DOCK11: variants seen among roughly 807,000 people sequenced by gnomAD.
DOCK11 encodes dedicator of cytokinesis protein 11.
DOCK11 carries 70 observed loss-of-function variants against 169.1 expected under a neutral mutation model. That is an observed-to-expected ratio of 0.41 (90% CI 0.34 to 0.51). The LOEUF (loss-of-function observed/expected upper bound fraction) is 0.51. Ranked by LOEUF, DOCK11 falls within the 20% of genes least tolerant of loss-of-function variation. DOCK11 has a pLI of 0.10. For synonymous variants in DOCK11, 529 were observed against 541.3 expected, an observed-to-expected ratio of 0.98 and a Z score of 0.32; for missense variants, 1,166 against 1,538.8, an observed-to-expected ratio of 0.76 and a Z score of 4.05.
At chrX:118,497,531 C>A (rs912042297) in intron 1 of DOCK11, among the ~76,000 whole-genome samples, 3 of 112,260 alleles carry the variant, frequency 2.7e-5, no homozygotes, top group African/African-American at 9.7e-5. Flanking sequence ...TTTAATGTTA[C>A]TTTAATGGAC....
rs2013367203 is a variant in DOCK11 at position 118,574,005 on chromosome X, G to A, written c.1376G>A (p.Arg459His). 2.5e-6 allele frequency: 3 copies of A among 1,210,087 alleles called. No homozygotes were observed. Among genetic ancestry groups the A allele is most frequent in the Non-Finnish European group, 3.4e-6 (3 of 894,022 alleles). The change falls in exon 12 of 53, where the codon CGC (arginine) becomes CAC (histidine). Residue 459 changes from arginine (R) to histidine (H), a missense_variant. Physicochemically the swap from Arg to His is conservative, Grantham distance 29. Coordinates refer to ENST00000276202, the MANE Select transcript of DOCK11 (RefSeq NM_144658.4). The part of the protein sequence containing the change: ...YIHGIAESQL[R>H]YIQQGIFSVT... ...CATGGAATTGCCGAATCTCAGTTAC[G>A]CTACATACAACAGGTAACGAATGAC...
intron 1 of DOCK11, among the ~76,000 whole-genome samples, chrX:118,497,987 G>A (rs1569399841): frequency 2.7e-5 from 3 of 112,544 alleles, no homozygotes; most frequent in African/African-American, 3.2e-5. Flanking sequence ...ATTCTATGGC[G>A]AAGGAGGAAA....
intron 38 of DOCK11, 96 bp downstream of exon 38, chrX:118,639,673 A>C (rs756720301): frequency 1.6e-5 from 15 of 911,063 alleles, no homozygotes; most frequent in Non-Finnish European, 2.3e-5. Context: ...AAATACCTTG[A>C]TCATTACACA....
chrX:118,523,019 T>C (rs2011296899), intron 1 of DOCK11, among the ~76,000 whole-genome samples: 1 of 112,630 alleles, frequency 8.9e-6, no homozygotes, highest in African/African-American at 3.2e-5. Context: ...GTGATAGTAT[T>C]CTCTACCTCA....
intron 1 of DOCK11, among the ~76,000 whole-genome samples, chrX:118,536,766 C>T (rs2011768881): frequency 1.8e-5 from 2 of 111,717 alleles, no homozygotes; most frequent in African/African-American, 3.3e-5. Context: ...TTATTCACCT[C>T]TGCATTACCA....
At chrX:118,595,011 A>G (rs2014117849) in intron 20 of DOCK11, among the ~76,000 whole-genome samples, 1 of 111,474 alleles carries the variant, frequency 9.0e-6, no homozygotes, top group Non-Finnish European at 1.9e-5. Flanking sequence ...AGGAGGCATC[A>G]GATTTTGGAA....
chrX:118,662,592 T>C, intron 44 of DOCK11, 94 bp from the exon 45 acceptor site: 1 of 447,101 alleles, frequency 2.2e-6, no homozygotes, highest in Non-Finnish European at 3.9e-6. Context: ...AAAAATAATG[T>C]GTTTATTTTA....
intron 42 of DOCK11, among the ~76,000 whole-genome samples, chrX:118,653,137 C>T (rs67013584): frequency 0.14 from 15,677 of 111,051 alleles, 896 homozygotes; most frequent in Non-Finnish European, 0.17. Context: ...ATCCTTAGTA[C>T]TATGTTATAT....
intron 7 of DOCK11, among the ~76,000 whole-genome samples, chrX:118,565,534 T>G (rs1274815842): frequency 1.8e-5 from 2 of 112,290 alleles, no homozygotes; most frequent in Non-Finnish European, 3.8e-5. Context: ...TAAAATGAGT[T>G]AGGATCTATA....
chrX:118,671,165 T>G lies in DOCK11; in HGVS notation c.5199+20T>G, dbSNP rs760530126. On this transcript the variant is annotated intron_variant, in intron 46 of 52. Transcript: ENST00000276202. ...TTTGAGGTAGGCAATTTGAACATTTTTATCATTGACTTATGTATTTTATTT... is the reference window on the plus strand; with the variant it reads ...TTTGAGGTAGGCAATTTGAACATTTGTATCATTGACTTATGTATTTTATTT... 6 of 1,193,251 alleles carry G rather than the reference T, an allele frequency of 5.0e-6. No homozygotes were observed. In the South Asian group the frequency reaches 9.1e-5, roughly 18 times the overall value.
Position 118,495,871 on chromosome X carries a change from A to C in DOCK11, c.-101A>C. On this transcript the variant is annotated 5_prime_UTR_variant, in exon 1 of 53. Coordinates refer to ENST00000276202, the MANE Select transcript of DOCK11 (RefSeq NM_144658.4). ...GTGGCCGGCCGGCCGGCGAGTAAAC[A>C]GAGGGAGCAGCAGCGGCCGCGGCCG... 2.8e-6 allele frequency: 1 copy of C among 361,565 alleles called. No individual in the cohort carries two copies. The allele number at this position is 361,565 out of a possible 1,213,427, so 29.8% of individuals were successfully genotyped here. A position where few individuals can be genotyped will look rare whatever the true frequency, so the allele number is the denominator to read the frequency against.
At chrX:118,558,964 G>C (rs944180768) in intron 6 of DOCK11, among the ~76,000 whole-genome samples, 1 of 112,318 alleles carries the variant, frequency 8.9e-6, no homozygotes, top group African/African-American at 3.2e-5. Flanking sequence ...GTTAGCAGGA[G>C]ATACTGGCTG....
intron 1 of DOCK11, among the ~76,000 whole-genome samples, chrX:118,522,769 T>C (rs1239087364): frequency 2.7e-5 from 3 of 111,708 alleles, no homozygotes; most frequent in African/African-American, 9.8e-5. Context: ...CCACCTGGAA[T>C]CCTCTCTGTT....
chrX:118,598,190 C>A, intron 22 of DOCK11, 74 bp downstream of exon 22: 1 of 777,006 alleles, frequency 1.3e-6, no homozygotes, highest in Non-Finnish European at 1.9e-6. Context: ...ACATTTGATT[C>A]CTACAGCCTT....
In DOCK11 at chrX:118,593,268, T is replaced by A. The variant is rs765775151; in HGVS notation, c.2194T>A (p.Phe732Ile). 1.7e-6 allele frequency: 2 copies of A among 1,205,833 alleles called. No individual in the cohort carries two copies. Among genetic ancestry groups the A allele is most frequent in the Non-Finnish European group, 2.2e-6 (2 of 892,759 alleles). ...TCAAAAACATCATTTGCTTTTCACT[T>A]TTTATCATGTAAGTTGTGAAATTAA... ...LHQKHHLLFT[F>I]YHVSCEINTK... Residue 732 changes from phenylalanine to isoleucine, a missense_variant, in exon 20 of 53, where the codon TTT becomes ATT. By Grantham distance (21) the Phe-to-Ile change is conservative (BLOSUM62 0). Coordinates refer to ENST00000276202, the MANE Select transcript of DOCK11 (RefSeq NM_144658.4).
intron 1 of DOCK11, among the ~76,000 whole-genome samples, chrX:118,519,146 A>G (rs2057707351): frequency 8.9e-6 from 1 of 112,031 alleles, no homozygotes; most frequent in Admixed American, 9.5e-5. Flanking sequence ...CGGCATAATT[A>G]TGGAGACTTA....
intron 12 of DOCK11, 83 bp from the exon 13 acceptor site, chrX:118,578,442 T>C: frequency 2.7e-5 from 28 of 1,044,270 alleles, no homozygotes; most frequent in Non-Finnish European, 3.4e-5. Flanking sequence ...AATATGAACA[T>C]TGTTTACTAA....
intron 40 of DOCK11, among the ~76,000 whole-genome samples, chrX:118,648,556 TTATATA>T (rs756985022): frequency 0.015 from 1,428 of 94,731 alleles, 38 homozygotes; most frequent in African/African-American, 0.052. Context: ...ATAACATAAA[TTATATA>T]TATTATATAC....
chrX:118,555,011 C>G lies in DOCK11; in HGVS notation c.559-6372C>G, dbSNP rs200586036. On this transcript the variant is annotated intron_variant, in intron 6 of 52. Coordinates refer to ENST00000276202, the MANE Select transcript of DOCK11 (RefSeq NM_144658.4). ...TAGGATTGTGGGAGGGCCTTGAATGCAGTATCTGGCATGTGTGCCTTATGT... is the reference window on the plus strand; with the variant it reads ...TAGGATTGTGGGAGGGCCTTGAATGGAGTATCTGGCATGTGTGCCTTATGT... 3.6e-5 allele frequency among the ~76,000 whole-genome samples: 4 copies of G among 111,626 alleles called. No homozygotes were observed. In the East Asian group the frequency reaches 1.1e-3, roughly 31 times the overall value.
Sources: allele counts gnomAD v4.1 joint callset (sites outside exome capture counted in the v4.1 genomes callset), GRCh38; gene constraint gnomAD v4.1.1; transcripts MANE v1.5; gene names NCBI Gene and HGNC (gene_info 2026-07-23, HGNC 2026-07-21).